Variants in SLC4A10 observed in about 807,000 individuals in gnomAD.
SLC4A10 encodes the protein solute carrier family 4 member 10.
Under a neutral mutation model 137.7 loss-of-function variants are expected in SLC4A10, and 42 were observed. The ratio of observed to expected loss-of-function variants is 0.30; its 90% CI spans 0.24 to 0.39. The LOEUF (loss-of-function observed/expected upper bound fraction) is 0.39, where lower values mean the gene tolerates loss of function less well. Among genes scored for constraint, SLC4A10 ranks in the 10% least tolerant of loss-of-function variants. SLC4A10 has a pLI of 1.00. For missense variants in SLC4A10, 925 were observed against 1,355.0 expected, an observed-to-expected ratio of 0.68 and a Z score of 4.98; for synonymous variants, 474 against 464.1, an observed-to-expected ratio of 1.02 and a Z score of -0.27.
At chr2:161,632,255 CAT>C (rs2033685998) in intron 1 of SLC4A10, among the ~76,000 whole-genome samples, 1 of 151,624 alleles carries the variant, frequency 6.6e-6, no homozygotes, top group Non-Finnish European at 1.5e-5. Flanking sequence ...GGGATCAAAA[CAT>C]AGCTCTGCTT....
At chr2:161,973,590 C>T (rs375528011) in intron 23 of SLC4A10, among the ~76,000 whole-genome samples, 57 of 152,308 alleles carry the variant, frequency 3.7e-4, no homozygotes, top group African/African-American at 1.2e-3. Context: ...TCCATTTCCT[C>T]CTCTCTCAAG....
chr2:161,836,557 A>AG (rs2058802193), intron 3 of SLC4A10, among the ~76,000 whole-genome samples: 1 of 98,992 alleles, frequency 1.0e-5, no homozygotes, highest in African/African-American at 3.5e-5. Context: ...AGAAAGAAAG[A>AG]AAGAAAGAAA....
intron 1 of SLC4A10, among the ~76,000 whole-genome samples, chr2:161,633,527 C>T (rs1284038017): frequency 6.6e-6 from 1 of 151,468 alleles, no homozygotes; most frequent in African/African-American, 2.4e-5. Context: ...CTTTTCTTAC[C>T]TACAAAATAG....
At chr2:161,718,455 T>A (rs2045215028) in intron 1 of SLC4A10, among the ~76,000 whole-genome samples, 1 of 152,192 alleles carries the variant, frequency 6.6e-6, no homozygotes, top group South Asian at 2.1e-4. Flanking sequence ...TAAATTTCCC[T>A]CTTAACACTG....
At chr2:161,678,280 C>T (rs1209270316) in intron 1 of SLC4A10, among the ~76,000 whole-genome samples, 1 of 152,058 alleles carries the variant, frequency 6.6e-6, no homozygotes, top group East Asian at 1.9e-4. Flanking sequence ...CTGAATATCT[C>T]CTAAGAGATA....
In SLC4A10 at chr2:161,942,825, T is replaced by C. The variant is rs1269686013; in HGVS notation, c.2031T>C (p.Asn677=). Reference sequence around the variant, plus strand: ...GTGTGGAACCGCATAATCCCAGCAATGGCACATTGAAGGAATGGAGGGAAT... The same window carrying C: ...GTGTGGAACCGCATAATCCCAGCAACGGCACATTGAAGGAATGGAGGGAAT... ...CNCVEPHNPS[N]GTLKEWRESN... The change falls in exon 16 of 27, where the codon AAT becomes AAC. Residue 677 remains asparagine, a synonymous_variant. Coordinates refer to ENST00000446997, the MANE Select transcript of SLC4A10 (RefSeq NM_001178015.2). The C allele has an allele frequency of 2.5e-6, 4 of 1,605,928 alleles. No individual in the cohort carries two copies. The Admixed American group carries it at 5.1e-5, about 20-fold the overall frequency.
At chr2:161,790,545 C>G (rs1020822130) in intron 2 of SLC4A10, among the ~76,000 whole-genome samples, 1 of 152,256 alleles carries the variant, frequency 6.6e-6, no homozygotes, top group African/African-American at 2.4e-5. Context: ...ATTAATTACA[C>G]AGGCATTTGA....
At chr2:161,901,292 C>T (rs569939345) in intron 12 of SLC4A10, 20 of 326,558 alleles carry the variant, frequency 6.1e-5, no homozygotes, top group Middle Eastern at 9.3e-4. Flanking sequence ...GGAAAACCGT[C>T]AATTGACCCT....
intron 1 of SLC4A10, among the ~76,000 whole-genome samples, chr2:161,671,621 C>T (rs1282542949): frequency 6.6e-6 from 1 of 152,076 alleles, no homozygotes; most frequent in African/African-American, 2.4e-5. Flanking sequence ...ATTCATACCC[C>T]AAACCTCAGC....
intron 1 of SLC4A10, among the ~76,000 whole-genome samples, chr2:161,733,547 T>G (rs1007514856): frequency 3.9e-5 from 6 of 152,164 alleles, no homozygotes; most frequent in African/African-American, 1.4e-4. Context: ...TGGAGTACCT[T>G]TGCTAGGGCA....
chr2:161,816,118 A>G (rs1255750984), intron 3 of SLC4A10, among the ~76,000 whole-genome samples: 2 of 152,256 alleles, frequency 1.3e-5, no homozygotes, highest in Middle Eastern at 3.4e-3. Flanking sequence ...CCTAAACACC[A>G]TCCTATCTGA....
chr2:161,795,981 G>A (rs1459314884), intron 2 of SLC4A10, among the ~76,000 whole-genome samples: 2 of 151,814 alleles, frequency 1.3e-5, no homozygotes, highest in Admixed American at 1.3e-4. Flanking sequence ...TACATAATTT[G>A]TTGTTCCTAT....
At chr2:161,749,327 A>G (rs890779048) in intron 1 of SLC4A10, among the ~76,000 whole-genome samples, 1 of 151,976 alleles carries the variant, frequency 6.6e-6, no homozygotes, top group Non-Finnish European at 1.5e-5. Context: ...AGTGATGAGA[A>G]TGGGTATCTT....
intron 3 of SLC4A10, among the ~76,000 whole-genome samples, chr2:161,838,541 A>G (rs148531573): frequency 9.6e-4 from 146 of 152,348 alleles, no homozygotes; most frequent in Admixed American, 3.3e-3. Flanking sequence ...AAGTCAAACT[A>G]TAAATGGGGA....
chr2:161,957,024 G>A lies in SLC4A10; in HGVS notation c.2577G>A (p.Val859=). The change falls in exon 20 of 27, where the codon GTG becomes GTA. Residue 859 remains valine (V), a synonymous_variant. Coordinates refer to ENST00000446997, the MANE Select transcript of SLC4A10 (RefSeq NM_001178015.2). The stretch of plus-strand genomic sequence containing the variant: ...GGTACCATCTGGACCTATTAATGGT[G>A]GCTGTCATGCTCGGTGTATGCTCCA... ...GCGYHLDLLM[V]AVMLGVCSIM... is the part of the protein sequence containing the mutation. 1 of 1,602,040 alleles carries A rather than the reference G, an allele frequency of 6.2e-7. No homozygotes were observed. Among genetic ancestry groups the A allele is most frequent in the Non-Finnish European group, 8.5e-7 (1 of 1,174,176 alleles).
At chr2:161,830,216 AAT>A (rs2058345611) in intron 3 of SLC4A10, among the ~76,000 whole-genome samples, 2 of 151,952 alleles carry the variant, frequency 1.3e-5, no homozygotes, top group Middle Eastern at 6.4e-3. Flanking sequence ...TTCAGTAAAG[AAT>A]ATGTTTCCCT....
chr2:161,782,259 C>G (rs1162998752), intron 2 of SLC4A10, among the ~76,000 whole-genome samples: 1 of 152,042 alleles, frequency 6.6e-6, no homozygotes, highest in East Asian at 1.9e-4. Context: ...GGTGCACTCA[C>G]AAGACCTGGC....
chr2:161,676,374 C>T (rs1381624128), intron 1 of SLC4A10, among the ~76,000 whole-genome samples: 1 of 152,060 alleles, frequency 6.6e-6, no homozygotes, highest in East Asian at 1.9e-4. Context: ...ATAATCTGGT[C>T]ATTTATTGCC....
At chr2:161,825,262 T>G (rs931524660) in intron 3 of SLC4A10, among the ~76,000 whole-genome samples, 1 of 152,110 alleles carries the variant, frequency 6.6e-6, no homozygotes, top group African/African-American at 2.4e-5. Flanking sequence ...TGTAGTTGCT[T>G]TTTTTTCTTT....
Sources: gnomAD v4.1 joint callset for allele counts (sites outside exome capture counted in the v4.1 genomes callset) on GRCh38, gnomAD v4.1.1 for gene constraint, MANE v1.5 for transcripts, NCBI Gene and HGNC (gene_info 2026-07-23, HGNC 2026-07-21) for gene names.